POLQ: variants seen among roughly 807,000 people sequenced by gnomAD.
POLQ encodes the protein DNA polymerase theta, also known as epididymis secretory sperm binding protein.
In POLQ, 233 loss-of-function variants were observed where a neutral mutation model predicts 259.2. That is an observed-to-expected ratio of 0.90 (90% CI 0.81 to 1.00). The LOEUF is 1.00. Ranked by LOEUF, POLQ falls within the 50% of genes least tolerant of loss-of-function variation. POLQ has a pLI of 0.00. For synonymous variants in POLQ, 1,025 were observed against 1,048.8 expected (o/e 0.98, Z 0.44); for missense variants, 2,871 against 3,051.6 (o/e 0.94, Z 1.39).
intron 22 of POLQ, among the ~76,000 whole-genome samples, chr3:121,468,966 C>T (rs2047861045): frequency 6.6e-6 from 1 of 152,060 alleles, no homozygotes; most frequent in Admixed American, 6.6e-5. Flanking sequence ...GAACAGAAAG[C>T]TGTTTTTTAA....
rs768392117 is a variant in POLQ, at chr3:121,460,194, C to T, written c.7008G>A (p.Leu2336=). The T allele has an allele frequency of 2.5e-6, 4 of 1,613,780 alleles. No individual in the cohort carries two copies. The Admixed American group carries it at 6.7e-5, about 27-fold the overall frequency. ...ILAADYSQLE[L]RILAHLSHDR... ...CATGGGATAAATGAGCCAAGATCCTCAGTTCAAGCTGAGAGTAGTCAGCAG... is the reference window on the plus strand; with the variant it reads ...CATGGGATAAATGAGCCAAGATCCTTAGTTCAAGCTGAGAGTAGTCAGCAG... The change falls in exon 25 of 30, where the codon CTG becomes CTA. Residue 2336 remains leucine, a synonymous_variant. Transcript: ENST00000264233.
rs1222000021 is a variant in POLQ, at chr3:121,449,334, G to A, written c.7245C>T (p.Ser2415=). The part of the protein sequence containing the change: ...KENDAACYID[S]FKSRYTGINQ... ...AATTACCTGTGTATCTGGATTTGAA[G>A]GAGTCAATATAGCATGCAGCATCAT... Residue 2415 remains serine, a synonymous_variant, in exon 26 of 30, where the codon TCC becomes TCT. Transcript: ENST00000264233. The A allele has an allele frequency of 5.2e-6, 8 of 1,536,968 alleles. No individual in the cohort carries two copies. In the Admixed American group the frequency reaches 1.3e-4, roughly 26 times the overall value.
At chr3:121,541,649 C>A (rs55769719) in intron 2 of POLQ, among the ~76,000 whole-genome samples, 170 bp from the exon 3 acceptor site, 1 of 152,306 alleles carries the variant, frequency 6.6e-6, no homozygotes, top group East Asian at 1.9e-4. Flanking sequence ...TACTTTAAAC[C>A]ACCTGTCTTA....
In POLQ at chr3:121,473,476, CA is replaced by C; in HGVS notation, c.6416del (p.Leu2139TrpfsTer3). ...SSDDIAEVLF[L>X]ELKLPPNREM... ...CTCTATTTGGGGGCAACTTCAATTC[CA>C]AAAATAAAACCTGCAAGAAATTAAT... On this transcript the variant is annotated frameshift_variant, in exon 21 of 30. Transcript: ENST00000264233. LOFTEE classifies it high-confidence loss of function. 1 of 1,610,926 alleles carries C rather than the reference CA, an allele frequency of 6.2e-7. No homozygotes were observed. The highest frequency in any genetic ancestry group is 8.5e-7 in the Non-Finnish European group (1 of 1,178,680).
At position 121,462,891 on chromosome 3, in the gene POLQ, A is replaced by T. The variant is rs190907747; in HGVS notation, c.6968-2657T>A. 2.6e-3 allele frequency among the ~76,000 whole-genome samples: 389 copies of T among 152,358 alleles called. 1 individual carries two copies. The highest frequency in any genetic ancestry group is 9.0e-3 in the African/African-American group (375 of 41,582). On this transcript the variant is annotated intron_variant, in intron 24 of 29. Transcript: ENST00000264233. ...TGATGTGAAAGTAAATTGTCTGACA[A>T]AAGAAAACCTTATATTCTATTAGTG... is the stretch of plus-strand genomic sequence containing the variant.
At chr3:121,500,743 A>C (rs930440231) in intron 12 of POLQ, among the ~76,000 whole-genome samples, 1 of 152,198 alleles carries the variant, frequency 6.6e-6, no homozygotes, top group Non-Finnish European at 1.5e-5. Context: ...AGCAGGATAC[A>C]TACAAAGGCA....
rs1232645818 is a variant in POLQ, at chr3:121,520,140, T to G, written c.1256-57A>C. 7.3e-6 allele frequency: 7 copies of G among 956,616 alleles called. No homozygotes were observed. The East Asian group carries it at 1.8e-4, about 25-fold the overall frequency. The allele number at this position is 956,616 out of a possible 1,614,324, so 59.3% of individuals were successfully genotyped here. On this transcript the variant is annotated intron_variant, in intron 8 of 29. Transcript: ENST00000264233. Reference sequence around the variant, plus strand: ...ATATATAACGAAAATATTATACGTGTTCACTTACAAATGGATTTGAGAGTC... The same window carrying G: ...ATATATAACGAAAATATTATACGTGGTCACTTACAAATGGATTTGAGAGTC...
chr3:121,469,220 T>C (rs993792351), intron 22 of POLQ, among the ~76,000 whole-genome samples: 44 of 152,088 alleles, frequency 2.9e-4, no homozygotes, highest in African/African-American at 1.0e-3. Context: ...ATAAAGCCTT[T>C]ATTTCCAAAT....
At chr3:121,456,598 C>G (rs1041465506) in intron 25 of POLQ, among the ~76,000 whole-genome samples, 1 of 151,816 alleles carries the variant, frequency 6.6e-6, no homozygotes, top group Non-Finnish European at 1.5e-5. Context: ...AACAGACAAA[C>G]AGAGAGCCAA....
At chr3:121,462,840 C>CT (rs2047803106) in intron 24 of POLQ, among the ~76,000 whole-genome samples, 1 of 152,128 alleles carries the variant, frequency 6.6e-6, no homozygotes, top group Non-Finnish European at 1.5e-5. Context: ...GTTAGCAAAG[C>CT]TTTAAAAGCC....
At position 121,432,199 on chromosome 3, in the gene POLQ, A is replaced by C. The variant is rs2047499086; in HGVS notation, c.*105T>G. 1 of 1,036,108 alleles carries C rather than the reference A, an allele frequency of 9.7e-7. No homozygotes were observed. Among genetic ancestry groups the C allele is most frequent in the Non-Finnish European group, 1.4e-6 (1 of 736,234 alleles). 64.2% of individuals were successfully genotyped at this position (1,036,108 alleles called of 1,614,324 possible). A position where few individuals can be genotyped will look rare whatever the true frequency, so the allele number is the denominator to read the frequency against. ...AAATTACTAGGCTAAGTCTATCAAG[A>C]CTTGAAAGTTTGTTTTGCTGAGGTA... On this transcript the variant is annotated 3_prime_UTR_variant, in exon 30 of 30. Coordinates refer to ENST00000264233, the MANE Select transcript of POLQ (RefSeq NM_199420.4).
intron 12 of POLQ, among the ~76,000 whole-genome samples, chr3:121,504,254 G>A (rs929789212): frequency 6.6e-6 from 1 of 152,118 alleles, no homozygotes; most frequent in Non-Finnish European, 1.5e-5. Context: ...AGGATTATAA[G>A]GGAATACTAT....
intron 22 of POLQ, among the ~76,000 whole-genome samples, chr3:121,469,567 A>C (rs747408893): frequency 2.0e-5 from 3 of 152,222 alleles, no homozygotes; most frequent in Non-Finnish European, 4.4e-5. Flanking sequence ...TTGACATTAA[A>C]TGGCCTGTTC....
intron 28 of POLQ, among the ~76,000 whole-genome samples, chr3:121,434,650 GAAAAT>G (rs1464058635): frequency 6.6e-6 from 1 of 152,162 alleles, no homozygotes; most frequent in East Asian, 1.9e-4. Flanking sequence ...CACTTAATGA[GAAAAT>G]AAACTTTTGT....
intron 17 of POLQ, 143 bp downstream of exon 17, chr3:121,484,898 C>T (rs2047999131): frequency 1.6e-6 from 1 of 631,536 alleles, no homozygotes; most frequent in Admixed American, 3.5e-5. Context: ...GACATTCTGT[C>T]TCAAAAAACA....
chr3:121,488,582 T>C lies in POLQ; in HGVS notation c.4349A>G (p.Gln1450Arg), dbSNP rs2048034448. 1 of 1,610,222 alleles carries C rather than the reference T, an allele frequency of 6.2e-7. No individual in the cohort carries two copies. The highest frequency in any genetic ancestry group is 8.5e-7 in the Non-Finnish European group (1 of 1,178,944). Residue 1450 changes from glutamine to arginine, a missense_variant, in exon 16 of 30, where the codon CAA becomes CGA. Around this residue, in one of 3 missense-constraint regions of POLQ, gnomAD observed 2,080 missense variants for 2,126.0 expected, o/e 0.98. Coordinates refer to ENST00000264233, the MANE Select transcript of POLQ (RefSeq NM_199420.4). ...AACTGGTTTCACAGTTTCTTGTGTTTGATAACCTTGAAGAAAACTATTTAA... is the reference window on the plus strand; with the variant it reads ...AACTGGTTTCACAGTTTCTTGTGTTCGATAACCTTGAAGAAAACTATTTAA... ...SQLNSFLQGYQTQETVKPVIL... is the reference protein window; with the variant it reads ...SQLNSFLQGYRTQETVKPVIL...
At position 121,519,928 on chromosome 3, in the gene POLQ, T is replaced by C; in HGVS notation, c.1411A>G (p.Ile471Val). ...CCAACCATCTGCTTATAAGTAAGAA[T>C]ATCTAGAGGTCGACCACCAAAAATA... The part of the protein sequence containing the change: ...TPIFGGRPLD[I>V]LTYKQMVGRA... The change falls in exon 9 of 30, where the codon ATT becomes GTT. Residue 471 changes from isoleucine to valine, a missense_variant. By Grantham distance (29) the Ile-to-Val change is conservative. Transcript: ENST00000264233. 6.2e-7 allele frequency: 1 copy of C among 1,611,428 alleles called. No homozygotes were observed. The highest frequency in any genetic ancestry group is 1.1e-5 in the South Asian group (1 of 91,002).
Position 121,483,409 on chromosome 3 carries a change from C to T in POLQ, c.5947G>A (p.Glu1983Lys). ...ILLLSCGISL[E>K]QSYEDPKVAC... ...ACCTTAGGATCTTCATAACTTTGCT[C>T]CAAGGAGATGCCACAAGAAAGAAGA... Residue 1983 changes from glutamate (E) to lysine (K), a missense_variant, in exon 18 of 30, where the codon GAG becomes AAG. Around this residue, in one of 3 missense-constraint regions of POLQ, gnomAD observed 2,080 missense variants for 2,126.0 expected, o/e 0.98. Coordinates refer to ENST00000264233, the MANE Select transcript of POLQ (RefSeq NM_199420.4). The T allele has an allele frequency of 6.3e-7, 1 of 1,575,458 alleles. No homozygotes were observed. The highest frequency in any genetic ancestry group is 8.6e-7 in the Non-Finnish European group (1 of 1,166,736).
chr3:121,531,714 G>A (rs1046799887), intron 6 of POLQ, among the ~76,000 whole-genome samples: 35 of 152,178 alleles, frequency 2.3e-4, no homozygotes, highest in African/African-American at 8.0e-4. Flanking sequence ...AGAAATATAA[G>A]TGGTTCAAAA....
Sources: allele counts gnomAD v4.1 joint callset (sites outside exome capture counted in the v4.1 genomes callset), GRCh38; gene constraint gnomAD v4.1.1; regional missense constraint gnomAD v4.1.1; transcripts MANE v1.5; gene names NCBI Gene and HGNC (gene_info 2026-07-23, HGNC 2026-07-21).